The following ASPM variants were observed in gnomAD, a reference collection of about 807,000 sequenced individuals.
ASPM encodes the protein abnormal spindle-like microcephaly-associated protein.
ASPM carries 256 observed loss-of-function variants against 366.4 expected under a neutral mutation model. The ratio of observed to expected loss-of-function variants is 0.70; its 90% CI spans 0.63 to 0.77. The LOEUF is 0.77. ASPM is among the 30% of genes least tolerant of loss of function. The pLI is 0.00. For missense variants in ASPM, 4,146 were observed against 4,090.4 expected (o/e 1.01, Z -0.37); for synonymous variants, 1,414 against 1,342.9 (o/e 1.05, Z -1.16).
At chr1:197,088,618 T>C (rs1020545891) in intron 25 of ASPM, among the ~76,000 whole-genome samples, 186 bp from the exon 26 acceptor site, 5 of 152,136 alleles carry the variant, frequency 3.3e-5, no homozygotes, top group Non-Finnish European at 5.9e-5. Flanking sequence ...CTATCATATA[T>C]GTGTATTCAC....
intron 26 of ASPM, 101 bp from the exon 27 acceptor site, chr1:197,087,073 C>A: frequency 4.8e-6 from 5 of 1,046,492 alleles, no homozygotes; most frequent in South Asian, 1.6e-5. Flanking sequence ...TGCAGTAAAC[C>A]TTTTTTTTTT....
At chr1:197,087,303 C>T (rs1428810099) in intron 26 of ASPM, among the ~76,000 whole-genome samples, 1 of 152,056 alleles carries the variant, frequency 6.6e-6, no homozygotes, top group African/African-American at 2.4e-5. Context: ...GTCTCAATCT[C>T]CTGACCTCGT....
At chr1:197,109,271 G>A (rs975063586) in intron 17 of ASPM, among the ~76,000 whole-genome samples, 8 of 151,816 alleles carry the variant, frequency 5.3e-5, no homozygotes, top group Non-Finnish European at 1.2e-4. Context: ...TTACACAGAT[G>A]CAAAACTCTT....
rs1323951733 is a variant in ASPM, at chr1:197,112,217, A to G, written c.4065+5572T>C. 2.6e-5 allele frequency among the ~76,000 whole-genome samples: 4 copies of G among 152,154 alleles called. No homozygotes were observed. The East Asian group carries it at 7.7e-4, about 29-fold the overall frequency. ...AATCACGTCCTTTGCAGGGACATGG[A>G]TGGAGCTGGAGGCCATTATCCTTAG... On this transcript the variant is annotated intron_variant, in intron 17 of 27. Transcript: ENST00000367409.
At chr1:197,134,088 T>C (rs1488384586) in intron 5 of ASPM, among the ~76,000 whole-genome samples, 1 of 151,962 alleles carries the variant, frequency 6.6e-6, no homozygotes, top group African/African-American at 2.4e-5. Context: ...GAGCATCTAA[T>C]TCAAAGACCC....
intron 17 of ASPM, among the ~76,000 whole-genome samples, chr1:197,108,278 T>G (rs1212961874): frequency 6.6e-6 from 1 of 151,926 alleles, no homozygotes; most frequent in African/African-American, 2.4e-5. Context: ...AGAAGAAAAT[T>G]TATACCATTA....
chr1:197,128,789 C>T lies in ASPM; in HGVS notation c.2761-124G>A, dbSNP rs1658172914. 21 of 794,998 alleles carry T rather than the reference C, an allele frequency of 2.6e-5. 1 individual carries two copies. In the South Asian group the frequency reaches 4.7e-4, roughly 18 times the overall value. 49.2% of individuals were successfully genotyped at this position (794,998 alleles called of 1,614,324 possible). A position where few individuals can be genotyped will look rare whatever the true frequency, so the allele number is the denominator to read the frequency against. On this transcript the variant is annotated intron_variant, in intron 9 of 27. Transcript: ENST00000367409. The stretch of plus-strand genomic sequence containing the variant: ...ATAATATAAAAAGTTTCATATTATA[C>T]ATTAATAATGCAAACTTCATACATA...
intron 6 of ASPM, among the ~76,000 whole-genome samples, 186 bp from the exon 7 acceptor site, chr1:197,132,538 A>C (rs1658291583): frequency 6.6e-6 from 1 of 152,096 alleles, no homozygotes; most frequent in South Asian, 2.1e-4. Flanking sequence ...GATTTTTGGC[A>C]GCAAAGCTAA....
chr1:197,139,038 A>T, intron 4 of ASPM: 1 of 737,198 alleles, frequency 1.4e-6, no homozygotes, highest in African/African-American at 1.8e-5. Flanking sequence ...AGATTTCTTG[A>T]AAACTAACTG....
intron 25 of ASPM, among the ~76,000 whole-genome samples, chr1:197,089,210 TC>T (rs1158077266): frequency 6.6e-6 from 1 of 152,016 alleles, no homozygotes; most frequent in African/African-American, 2.4e-5. Context: ...AGATCTGTGT[TC>T]TTAACCACTA....
rs955315645 is a variant in ASPM, at chr1:197,117,865, A to G, written c.3989T>C (p.Leu1330Ser). The change falls in exon 17 of 28, where the codon TTA becomes TCA. Residue 1330 changes from leucine to serine, a missense_variant. Leu to Ser is a moderately radical substitution (Grantham distance 145). Transcript: ENST00000367409. ...TAACATTAATAATTTTCTCTGTGCT[A>G]AGACTCTTCGCCAATATTTCTGAAT... The part of the protein sequence containing the change: ...LVIQKYWRRV[L>S]AQRKLLMLKK... 6.2e-7 allele frequency: 1 copy of G among 1,613,440 alleles called. No individual in the cohort carries two copies. Among genetic ancestry groups the G allele is most frequent in the African/African-American group, 1.3e-5 (1 of 74,894 alleles).
At chr1:197,094,365 C>T (rs984852907) in intron 19 of ASPM, among the ~76,000 whole-genome samples, 185 bp from the exon 20 acceptor site, 11 of 151,600 alleles carry the variant, frequency 7.3e-5, no homozygotes, top group Non-Finnish European at 1.0e-4. Context: ...CACACGCACA[C>T]GAAAGAAGTT....
rs1656614663 is a variant in ASPM, at chr1:197,087,072, C to T, written c.10162-100G>A. 12 of 1,173,404 alleles carry T rather than the reference C, an allele frequency of 1.0e-5. No individual in the cohort carries two copies. In the South Asian group the frequency reaches 1.6e-4, roughly 15 times the overall value. The allele number at this position is 1,173,404 out of a possible 1,614,324, so 72.7% of individuals were successfully genotyped here. ...AATATAATAAAAACTATGCAGTAAA[C>T]CTTTTTTTTTTCTTTTTTGAGATGG... On this transcript the variant is annotated intron_variant, in intron 26 of 27. Coordinates refer to ENST00000367409, the MANE Select transcript of ASPM (RefSeq NM_018136.5).
chr1:197,142,412 C>A lies in ASPM; in HGVS notation c.1840G>T (p.Val614Phe). 6.2e-7 allele frequency: 1 copy of A among 1,613,864 alleles called. No individual in the cohort carries two copies. Among genetic ancestry groups the A allele is most frequent in the Non-Finnish European group, 8.5e-7 (1 of 1,179,814 alleles). ...FSPSEPKTSA[V>F]KKTKNVTTPI... The stretch of plus-strand genomic sequence containing the variant: ...GTTGTCACATTTTTTGTTTTCTTAA[C>A]AGCTGATGTTTTAGGCTCTGAGGGA... The change falls in exon 3 of 28, where the codon GTT becomes TTT. Residue 614 changes from valine to phenylalanine, a missense_variant. Val to Phe is a conservative substitution (Grantham distance 50, BLOSUM62 -1). Coordinates refer to ENST00000367409, the MANE Select transcript of ASPM (RefSeq NM_018136.5).
rs1271485313 is a variant in ASPM at position 197,095,986 on chromosome 1, A to G, written c.8987+12T>C. The G allele has an allele frequency of 1.9e-6, 3 of 1,599,474 alleles. No individual in the cohort carries two copies. Among genetic ancestry groups the G allele is most frequent in the East Asian group, 4.5e-5 (2 of 44,684 alleles). On this transcript the variant is annotated intron_variant, in intron 19 of 27. Coordinates refer to ENST00000367409, the MANE Select transcript of ASPM (RefSeq NM_018136.5). ...ATACTTTTACACTCTCCACAGAACTATGATACATTACCGTGTTCTCTCTAG... is the reference window on the plus strand; with the variant it reads ...ATACTTTTACACTCTCCACAGAACTGTGATACATTACCGTGTTCTCTCTAG...
In ASPM at chr1:197,144,049, G is replaced by A. The variant is rs137852996; in HGVS notation, c.349C>T (p.Arg117Ter). Residue 117 changes from arginine (R) to a stop codon, truncating the protein, a stop_gained, in exon 2 of 28, where the codon CGA becomes TGA. Transcript: ENST00000367409. LOFTEE classifies it high-confidence loss of function. ...AGAAATGTCATAATCTCTCTTACTC[G>A]GCCTTCTTTGAGTGGTGTCCAGTTA... Reference protein sequence around the residue: ...SVNWTPLKEGRVREIMTFLVN... With the variant: ...SVNWTPLKEG 9 of 1,609,892 alleles carry A rather than the reference G, an allele frequency of 5.6e-6. No homozygotes were observed. Among genetic ancestry groups the A allele is most frequent in the South Asian group, 1.1e-5 (1 of 90,940 alleles).
Position 197,104,500 on chromosome 1 carries a change from T to G in ASPM, c.4751A>C (p.Lys1584Thr), listed in dbSNP as rs1373395738. The change falls in exon 18 of 28, where the codon AAG (lysine) becomes ACG (threonine). Residue 1584 changes from lysine (K) to threonine (T), a missense_variant. This residue lies in a region of ASPM where 3,624 missense variants were observed against 3,591.7 expected (regional missense o/e 1.01). Transcript: ENST00000367409. Reference sequence around the variant, plus strand: ...ATGTGCCTGAAATTTGATAATAGTCTTCTTAAGGTTTAAAAATCGAACTCT... The same window carrying G: ...ATGTGCCTGAAATTTGATAATAGTCGTCTTAAGGTTTAAAAATCGAACTCT... ...QDRVRFLNLK[K>T]TIIKFQAHVR... 6.2e-7 allele frequency: 1 copy of G among 1,612,440 alleles called. No individual in the cohort carries two copies.
chr1:197,143,391 A>G lies in ASPM; in HGVS notation c.861T>C (p.Asn287=), dbSNP rs139670577. Residue 287 remains asparagine, a synonymous_variant, in exon 3 of 28, where the codon AAT becomes AAC. Coordinates refer to ENST00000367409, the MANE Select transcript of ASPM (RefSeq NM_018136.5). ...GTTTACTATTCTCTCCTCTTTGGCC[A>G]TTAACATTTACGGAATTAAAGGAAG... is the stretch of plus-strand genomic sequence containing the variant. ...TETSFNSVNV[N]GQRGENSKLS... 63 of 1,613,854 alleles carry G rather than the reference A, an allele frequency of 3.9e-5. No individual in the cohort carries two copies. The highest frequency in any genetic ancestry group is 5.1e-5 in the Non-Finnish European group (60 of 1,179,814).
chr1:197,146,553 G>A lies in ASPM; in HGVS notation c.-116C>T. ...CCTCAGGGGCGGCTGTAGAGGTCGT[G>A]GGAGTGAATTCGGCCCTTTTTCTTT... On this transcript the variant is annotated 5_prime_UTR_variant, in exon 1 of 28. Transcript: ENST00000367409. The A allele has an allele frequency of 8.7e-7, 1 of 1,150,136 alleles. No homozygotes were observed. Among genetic ancestry groups the A allele is most frequent in the Non-Finnish European group, 1.3e-6 (1 of 795,886 alleles). 71.2% of individuals were successfully genotyped at this position (1,150,136 alleles called of 1,614,324 possible). A position where few individuals can be genotyped will look rare whatever the true frequency, so the allele number is the denominator to read the frequency against.
Sources: gnomAD v4.1 joint callset for allele counts (sites outside exome capture counted in the v4.1 genomes callset) on GRCh38, gnomAD v4.1.1 for gene constraint, gnomAD v4.1.1 regional missense constraint, MANE v1.5 for transcripts, NCBI Gene and HGNC (gene_info 2026-07-23, HGNC 2026-07-21) for gene names.